CCDC73: variants seen among roughly 807,000 people sequenced by gnomAD.
CCDC73 encodes coiled-coil domain containing 73.
Under a neutral mutation model 116.5 loss-of-function variants are expected in CCDC73, and 95 were observed. The observed-to-expected ratio is 0.82, with a 90% confidence interval of 0.69 to 0.97. CCDC73 has a LOEUF of 0.97. Among genes scored for constraint, CCDC73 ranks in the 50% least tolerant of loss-of-function variants. CCDC73 has a pLI of 0.00. For missense variants in CCDC73, 1,066 were observed against 1,206.8 expected (o/e 0.88, Z 1.73); for synonymous variants, 398 against 401.3 (o/e 0.99, Z 0.10).
chr11:32,628,388 G>A (rs1475313716), intron 14 of CCDC73, among the ~76,000 whole-genome samples: 1 of 152,188 alleles, frequency 6.6e-6, no homozygotes, highest in Non-Finnish European at 1.5e-5. Context: ...GCGCTACCCA[G>A]AAAAAGAGCT....
intron 2 of CCDC73, among the ~76,000 whole-genome samples, chr11:32,720,849 TG>T (rs1849983834): frequency 1.3e-5 from 2 of 152,168 alleles, no homozygotes; most frequent in African/African-American, 2.4e-5. Context: ...GGGAGCTTTC[TG>T]GGTTGATGAA....
intron 14 of CCDC73, among the ~76,000 whole-genome samples, chr11:32,633,731 G>T (rs1231825790): frequency 6.6e-6 from 1 of 152,124 alleles, no homozygotes; most frequent in Non-Finnish European, 1.5e-5. Context: ...AAAGTTTTTT[G>T]GGGGAGGGTG....
intron 7 of CCDC73, 70 bp downstream of exon 7, chr11:32,683,466 A>G (rs1429782083): frequency 1.0e-6 from 1 of 987,978 alleles, no homozygotes. Flanking sequence ...GTCACATTTT[A>G]TTCCCAAAAA....
intron 2 of CCDC73, among the ~76,000 whole-genome samples, chr11:32,750,554 A>C (rs1850279423): frequency 6.6e-6 from 1 of 152,142 alleles, no homozygotes; most frequent in Non-Finnish European, 1.5e-5. Context: ...CAAAACCACA[A>C]GACAAGGTTC....
intron 3 of CCDC73, among the ~76,000 whole-genome samples, chr11:32,711,514 T>A (rs1260359214): frequency 1.8e-4 from 27 of 152,052 alleles, no homozygotes; most frequent in Admixed American, 1.8e-3. Flanking sequence ...ATTGGAGACT[T>A]TATGCCAAAT....
chr11:32,650,471 T>C (rs1364913395), intron 12 of CCDC73, among the ~76,000 whole-genome samples: 1 of 152,182 alleles, frequency 6.6e-6, no homozygotes, highest in East Asian at 1.9e-4. Flanking sequence ...CAGCTATTCA[T>C]AAAGAACCTA....
chr11:32,678,898 ATAT>A (rs373924497), intron 7 of CCDC73, among the ~76,000 whole-genome samples: 28 of 114,802 alleles, frequency 2.4e-4, no homozygotes, highest in African/African-American at 5.8e-4. Flanking sequence ...AAAAAAAAAA[ATAT>A]ATATATATAC....
intron 6 of CCDC73, among the ~76,000 whole-genome samples, chr11:32,685,149 G>A (rs1444838879): frequency 6.6e-6 from 1 of 150,828 alleles, no homozygotes; most frequent in Non-Finnish European, 1.5e-5. Flanking sequence ...TGAATGAGCT[G>A]ATTTTATTTT....
At chr11:32,608,134 A>G (rs543258534) in intron 17 of CCDC73, among the ~76,000 whole-genome samples, 1 of 152,280 alleles carries the variant, frequency 6.6e-6, no homozygotes, top group South Asian at 2.1e-4. Context: ...GCCAAACCAT[A>G]TCATTCTGCC....
intron 7 of CCDC73, among the ~76,000 whole-genome samples, chr11:32,678,839 C>T (rs200582892): frequency 8.0e-5 from 12 of 149,586 alleles, no homozygotes; most frequent in East Asian, 3.9e-4. Context: ...GCTGAGATCA[C>T]GCCACTGCAC....
At chr11:32,651,059 C>T (rs1304535886) in intron 12 of CCDC73, among the ~76,000 whole-genome samples, 3 of 152,166 alleles carry the variant, frequency 2.0e-5, no homozygotes, top group Non-Finnish European at 4.4e-5. Flanking sequence ...AGGGCCTCAT[C>T]ACACAACTCA....
intron 14 of CCDC73, among the ~76,000 whole-genome samples, chr11:32,632,231 G>A (rs112730826): frequency 2.0e-5 from 3 of 152,108 alleles, no homozygotes; most frequent in African/African-American, 7.2e-5. Flanking sequence ...TATTTTTGTT[G>A]TTTGTTTTCT....
intron 13 of CCDC73, among the ~76,000 whole-genome samples, chr11:32,640,813 C>T (rs1338209321): frequency 1.3e-5 from 2 of 151,966 alleles, no homozygotes; most frequent in African/African-American, 2.4e-5. Context: ...GTCAGAAGAT[C>T]GAGACCATCC....
the CCDC73 span, among the ~76,000 whole-genome samples, chr11:32,811,305 G>A: frequency 2.6e-5 from 4 of 152,092 alleles, no homozygotes; most frequent in South Asian, 2.1e-4. Context: ...TTTATTGCAT[G>A]TGAATGTACT....
chr11:32,743,205 G>A (rs902856266), intron 2 of CCDC73, among the ~76,000 whole-genome samples: 7 of 152,198 alleles, frequency 4.6e-5, no homozygotes, highest in African/African-American at 1.7e-4. Context: ...GTCAGTGGTA[G>A]CTTGATGGGG....
chr11:32,734,778 C>T (rs145531708), intron 2 of CCDC73, among the ~76,000 whole-genome samples: 7,569 of 152,234 alleles, frequency 0.05, 210 homozygotes, highest in African/African-American at 0.07. Context: ...CAATAAAATA[C>T]TGGCAAACCG....
intron 7 of CCDC73, among the ~76,000 whole-genome samples, chr11:32,676,516 T>C (rs1856090610): frequency 1.3e-5 from 2 of 152,220 alleles, no homozygotes; most frequent in Non-Finnish European, 1.5e-5. Flanking sequence ...TTAATTAATA[T>C]AGTACCTTCT....
intron 1 of CCDC73, among the ~76,000 whole-genome samples, chr11:32,790,114 A>T (rs945937975): frequency 1.3e-5 from 2 of 152,020 alleles, no homozygotes; most frequent in Non-Finnish European, 2.9e-5. Context: ...CTGAGAGAAG[A>T]TGAGATGAGG....
intron 1 of CCDC73, among the ~76,000 whole-genome samples, chr11:32,761,166 C>A (rs35733667): frequency 6.6e-6 from 1 of 151,892 alleles, no homozygotes; most frequent in Non-Finnish European, 1.5e-5. Context: ...TATCTATCTC[C>A]GTAATTTTGT....
Sources: allele counts gnomAD v4.1 joint callset (sites outside exome capture counted in the v4.1 genomes callset), GRCh38; gene constraint gnomAD v4.1.1; transcripts MANE v1.5; gene names NCBI Gene and HGNC (gene_info 2026-07-23, HGNC 2026-07-21).